FARP2: variants seen among roughly 807,000 people sequenced by gnomAD.
FARP2 encodes the protein FERM, ARHGEF and pleckstrin domain-containing protein 2.
FARP2 carries 111 observed loss-of-function variants against 130.5 expected under a neutral mutation model. The ratio of observed to expected loss-of-function variants is 0.85; its 90% CI spans 0.73 to 1.00. The LOEUF is 1.00. FARP2 is among the 50% of genes least tolerant of loss of function. The probability of loss-of-function intolerance (pLI) is 0.00; values close to 1 mark genes in which losing one functional copy is unlikely to be tolerated. For synonymous variants in FARP2, 504 were observed against 516.9 expected (o/e 0.98, Z 0.34); for missense variants, 1,385 against 1,346.3 (o/e 1.03, Z -0.45).
intron 11 of FARP2, among the ~76,000 whole-genome samples, chr2:241,435,510 ATT>A (rs374376821): frequency 1.0e-4 from 14 of 134,502 alleles, no homozygotes; most frequent in African/African-American, 1.1e-4. Flanking sequence ...TGGATTTGTA[ATT>A]TTTTTTTTTT....
chr2:241,427,875 C>T (rs1172010952), intron 8 of FARP2, among the ~76,000 whole-genome samples: 2 of 152,142 alleles, frequency 1.3e-5, no homozygotes, highest in Admixed American at 6.5e-5. Flanking sequence ...AAGCGATTCT[C>T]CTGCCTCAGC....
rs56306612 is a variant in FARP2, at chr2:241,474,801, TAATAAATAAATAAATA to T, written c.2132-1033_2132-1018del. Among the ~76,000 whole-genome samples, 320 of 140,326 alleles carry T rather than the reference TAATAAATAAATAAATA, an allele frequency of 2.3e-3. 8 individuals carry two copies. Among genetic ancestry groups the T allele is most frequent in the Admixed American group, 0.022 (300 of 13,762 alleles). 92.1% of individuals were successfully genotyped at this position (140,326 alleles called of 152,430 possible). ...AGTGAGACCCTGTCTCTAATAATAA[TAATAAATAAATAAATA>T]AATAAATAAATAAATAAATAAAAAG... On this transcript the variant is annotated intron_variant, in intron 18 of 26. Coordinates refer to ENST00000264042, the MANE Select transcript of FARP2 (RefSeq NM_014808.4).
chr2:241,366,125 A>ATATATATATACATATATATATATACG (rs1553705676), intron 1 of FARP2, among the ~76,000 whole-genome samples: 13,228 of 66,970 alleles, frequency 0.2, 1,458 homozygotes, highest in African/African-American at 0.23. Context: ...ATATATACGT[A>ATATATATATACATATATATATATACG]TATATATATA....
At chr2:241,472,342 C>T (rs891501197) in intron 18 of FARP2, among the ~76,000 whole-genome samples, 7 of 150,916 alleles carry the variant, frequency 4.6e-5, no homozygotes, top group Admixed American at 2.6e-4. Context: ...TCAGGGGACC[C>T]TGTTCTGTGG....
Position 241,491,697 on chromosome 2 carries a change from C to T in FARP2, c.2787+18C>T, listed in dbSNP as rs775734010. ...CTGTCGAGGTACGACCGCATGAGCA[C>T]CACCTCAGTGCATCTGGAATGTTCC... On this transcript the variant is annotated intron_variant, in intron 24 of 26. Transcript: ENST00000264042. 7 of 1,575,662 alleles carry T rather than the reference C, an allele frequency of 4.4e-6. No individual in the cohort carries two copies. The highest frequency in any genetic ancestry group is 1.7e-5 in the Admixed American group (1 of 57,916).
intron 7 of FARP2, among the ~76,000 whole-genome samples, chr2:241,416,331 G>C (rs1361944848): frequency 6.6e-6 from 1 of 152,108 alleles, no homozygotes; most frequent in Non-Finnish European, 1.5e-5. Flanking sequence ...TTGAACTCTT[G>C]CCGAATAAGC....
intron 9 of FARP2, 108 bp from the exon 10 acceptor site, chr2:241,434,050 T>C (rs1377420339): frequency 2.3e-6 from 2 of 885,468 alleles, no homozygotes; most frequent in Non-Finnish European, 3.5e-6. Flanking sequence ...AAAACCTTAC[T>C]GATTTTTAAT....
chr2:241,404,388 T>C (rs187907603), intron 3 of FARP2, among the ~76,000 whole-genome samples: 4 of 152,344 alleles, frequency 2.6e-5, no homozygotes, highest in African/African-American at 7.2e-5. Context: ...CCCTTGGCAG[T>C]GCGACCAGAT....
In FARP2 at chr2:241,462,508, C is replaced by G. The variant is rs1032136096; in HGVS notation, c.1588-15C>G. The G allele has an allele frequency of 6.2e-7, 1 of 1,605,066 alleles. No homozygotes were observed. The highest frequency in any genetic ancestry group is 2.2e-5 in the East Asian group (1 of 44,830). ...GTCCCAGGGACGCACACTTACAGCT[C>G]TCTGCTTCTTTCAGCGCGTGCCTGC... On this transcript the variant is annotated splice_polypyrimidine_tract_variant and intron_variant, in intron 14 of 26. Coordinates refer to ENST00000264042, the MANE Select transcript of FARP2 (RefSeq NM_014808.4).
At chr2:241,437,670 A>ATTTATTTTTTTT (rs1553723709) in intron 12 of FARP2, among the ~76,000 whole-genome samples, 9 of 133,112 alleles carry the variant, frequency 6.8e-5, no homozygotes, top group Non-Finnish European at 9.5e-5. Flanking sequence ...TTATTTATTT[A>ATTTATTTTTTTT]TTTTTTTTTT....
At chr2:241,440,786 C>A (rs2063361819) in intron 12 of FARP2, among the ~76,000 whole-genome samples, 1 of 152,160 alleles carries the variant, frequency 6.6e-6, no homozygotes, top group African/African-American at 2.4e-5. Flanking sequence ...TACCCCTCAA[C>A]AAAACTATGA....
chr2:241,465,851 A>G (rs2064156036), intron 17 of FARP2: 13 of 1,516,830 alleles, frequency 8.6e-6, no homozygotes, highest in African/African-American at 1.4e-5. Context: ...TTCCCAAGGG[A>G]CTATAGGTTT....
In FARP2 at chr2:241,471,006, C is replaced by T. The variant is rs6737152; in HGVS notation, c.2131+2629C>T. ...ATTCTGGGGGGGACACTACCCTGAGCGGATCTCGTTCTAAGTGGGGAATAG... is the reference window on the plus strand; with the variant it reads ...ATTCTGGGGGGGACACTACCCTGAGTGGATCTCGTTCTAAGTGGGGAATAG... On this transcript the variant is annotated intron_variant, in intron 18 of 26. Coordinates refer to ENST00000264042, the MANE Select transcript of FARP2 (RefSeq NM_014808.4). Among the ~76,000 whole-genome samples, 5 of 150,294 alleles carry T rather than the reference C, an allele frequency of 3.3e-5. No individual in the cohort carries two copies. In the East Asian group the frequency reaches 1.0e-3, roughly 30 times the overall value.
At chr2:241,373,435 A>G in intron 2 of FARP2, 145 bp downstream of exon 2, 1 of 468,048 alleles carries the variant, frequency 2.1e-6, no homozygotes, top group Non-Finnish European at 3.7e-6. Flanking sequence ...CCTTAGAAAC[A>G]GTAAATCTGA....
intron 16 of FARP2, 131 bp from the exon 17 acceptor site, chr2:241,463,768 G>A (rs372620622): frequency 2.3e-5 from 19 of 809,442 alleles, no homozygotes; most frequent in East Asian, 5.3e-5. Flanking sequence ...CCTGCCCTGC[G>A]GCCTCTTCCA....
intron 2 of FARP2, among the ~76,000 whole-genome samples, chr2:241,386,445 A>T (rs2061785427): frequency 2.6e-5 from 4 of 152,174 alleles, no homozygotes; most frequent in Admixed American, 6.5e-5. Context: ...CAGTCAACCA[A>T]CAAGGAGACA....
In FARP2 at chr2:241,442,617, A is replaced by G. The variant is rs1219895232; in HGVS notation, c.1411+1061A>G. 4 of 345,678 alleles carry G rather than the reference A, an allele frequency of 1.2e-5. No individual in the cohort carries two copies. The East Asian group carries it at 3.1e-4, about 27-fold the overall frequency. The allele number at this position is 345,678 out of a possible 1,614,324, so 21.4% of individuals were successfully genotyped here. Reference sequence around the variant, plus strand: ...AGAATTGTTTGGTTTAAACACAGAAAGTGACTTTCATTTCATGGATAGATA... The same window carrying G: ...AGAATTGTTTGGTTTAAACACAGAAGGTGACTTTCATTTCATGGATAGATA... On this transcript the variant is annotated intron_variant, in intron 13 of 26. Coordinates refer to ENST00000264042, the MANE Select transcript of FARP2 (RefSeq NM_014808.4).
intron 20 of FARP2, 73 bp from the exon 21 acceptor site, chr2:241,484,169 A>G (rs2064695770): frequency 1.3e-6 from 2 of 1,598,080 alleles, no homozygotes. Flanking sequence ...ATGAGCAGCC[A>G]GAGTCCAAGT....
At chr2:241,452,541 G>A (rs916733032) in intron 13 of FARP2, among the ~76,000 whole-genome samples, 3 of 152,138 alleles carry the variant, frequency 2.0e-5, no homozygotes, top group Admixed American at 6.6e-5. Context: ...AGTGGTGCAT[G>A]CCTGTAGTCC....
Sources: allele counts gnomAD v4.1 joint callset (sites outside exome capture counted in the v4.1 genomes callset), GRCh38; gene constraint gnomAD v4.1.1; transcripts MANE v1.5; gene names NCBI Gene and HGNC (gene_info 2026-07-23, HGNC 2026-07-21).